The following UBASH3B variants were observed in gnomAD, a reference collection of about 807,000 sequenced individuals.
UBASH3B encodes ubiquitin associated and SH3 domain containing B.
In UBASH3B, 37 loss-of-function variants were observed where a neutral mutation model predicts 83.4. That is an observed-to-expected ratio of 0.44 (90% CI 0.34 to 0.58). UBASH3B has a LOEUF of 0.58. Ranked by LOEUF, UBASH3B falls within the 20% of genes least tolerant of loss-of-function variation. UBASH3B has a pLI of 0.01. For missense variants in UBASH3B, 657 were observed against 827.2 expected, an observed-to-expected ratio of 0.79 and a Z score of 2.52; for synonymous variants, 304 against 318.3, an observed-to-expected ratio of 0.96 and a Z score of 0.48.
At chr11:122,715,581 G>A (rs1018870401) in intron 1 of UBASH3B, among the ~76,000 whole-genome samples, 1 of 152,184 alleles carries the variant, frequency 6.6e-6, no homozygotes, top group South Asian at 2.1e-4. Context: ...GGAGAAACAC[G>A]GATCCGAAAG....
intron 11 of UBASH3B, among the ~76,000 whole-genome samples, chr11:122,802,304 ACT>A: frequency 7.6e-6 from 1 of 131,852 alleles, no homozygotes; most frequent in Non-Finnish European, 1.6e-5. Flanking sequence ...ACAGAGTGAG[ACT>A]CTGTCTGAAA....
chr11:122,725,933 C>G (rs1860732767), intron 1 of UBASH3B, among the ~76,000 whole-genome samples: 1 of 152,128 alleles, frequency 6.6e-6, no homozygotes, highest in South Asian at 2.1e-4. Context: ...ACCTCATGAT[C>G]CACCCACCTC....
At chr11:122,741,822 CG>C (rs1311872105) in intron 1 of UBASH3B, among the ~76,000 whole-genome samples, 3 of 152,180 alleles carry the variant, frequency 2.0e-5, no homozygotes, top group Non-Finnish European at 4.4e-5. Flanking sequence ...CTCCCTCCCA[CG>C]GGTTCTGCTT....
chr11:122,804,393 A>G (rs1861304000), intron 11 of UBASH3B, among the ~76,000 whole-genome samples: 2 of 152,124 alleles, frequency 1.3e-5, no homozygotes, highest in African/African-American at 4.8e-5. Flanking sequence ...GTTTCCTTCA[A>G]GTGGAACGGC....
At chr11:122,764,116 A>G (rs761229805) in intron 1 of UBASH3B, among the ~76,000 whole-genome samples, 11 of 152,220 alleles carry the variant, frequency 7.2e-5, no homozygotes, top group Non-Finnish European at 1.2e-4. Context: ...AAACTTTCTG[A>G]GTGCAAGGGC....
intron 1 of UBASH3B, among the ~76,000 whole-genome samples, chr11:122,715,243 C>G (rs771198439): frequency 3.9e-5 from 6 of 152,158 alleles, no homozygotes; most frequent in Non-Finnish European, 8.8e-5. Flanking sequence ...CTGCGCCCAG[C>G]CGAGATAAAT....
intron 4 of UBASH3B, among the ~76,000 whole-genome samples, chr11:122,780,551 C>G (rs1392613113): frequency 6.6e-6 from 1 of 152,166 alleles, no homozygotes; most frequent in Non-Finnish European, 1.5e-5. Context: ...GAGGATTTCT[C>G]CTACATGAGG....
intron 6 of UBASH3B, among the ~76,000 whole-genome samples, chr11:122,790,137 G>C (rs1861026182): frequency 6.6e-6 from 1 of 152,232 alleles, no homozygotes; most frequent in African/African-American, 2.4e-5. Context: ...AGAGGCAGAA[G>C]CCCTGAGCGC....
chr11:122,701,091 C>T (rs1454623836), intron 1 of UBASH3B, among the ~76,000 whole-genome samples: 4 of 152,214 alleles, frequency 2.6e-5, no homozygotes, highest in South Asian at 2.1e-4. Flanking sequence ...GTCAAGCCCA[C>T]GGGCTGCTAC....
chr11:122,690,334 A>G (rs1196912198), intron 1 of UBASH3B, among the ~76,000 whole-genome samples: 2 of 147,782 alleles, frequency 1.4e-5, no homozygotes, highest in Non-Finnish European at 3.0e-5. Flanking sequence ...TGAGGATTCT[A>G]TATTATAATA....
At chr11:122,673,872 C>A (rs1335021027) in intron 1 of UBASH3B, among the ~76,000 whole-genome samples, 1 of 152,144 alleles carries the variant, frequency 6.6e-6, no homozygotes, top group Non-Finnish European at 1.5e-5. Flanking sequence ...TTTCTTCAGC[C>A]TTTCTCAGCT....
At chr11:122,696,674 T>A (rs909474964) in intron 1 of UBASH3B, among the ~76,000 whole-genome samples, 1 of 152,212 alleles carries the variant, frequency 6.6e-6, no homozygotes, top group Non-Finnish European at 1.5e-5. Flanking sequence ...AAGTTGCACG[T>A]GTGTCCGAGC....
intron 1 of UBASH3B, among the ~76,000 whole-genome samples, chr11:122,735,635 C>T (rs1001818451): frequency 6.6e-6 from 1 of 152,206 alleles, no homozygotes; most frequent in African/African-American, 2.4e-5. Context: ...TCCCTAGTAG[C>T]AACAACTAAT....
chr11:122,763,888 G>A (rs1049039108), intron 1 of UBASH3B, among the ~76,000 whole-genome samples: 1 of 152,196 alleles, frequency 6.6e-6, no homozygotes, highest in East Asian at 1.9e-4. Flanking sequence ...TAGGGGAGAG[G>A]GGGCAAGACT....
chr11:122,709,108 G>A (rs1864160183), intron 1 of UBASH3B, among the ~76,000 whole-genome samples: 1 of 152,206 alleles, frequency 6.6e-6, no homozygotes, highest in African/African-American at 2.4e-5. Context: ...TTAGCTGGGT[G>A]TGGTGGCACA....
chr11:122,686,896 C>G (rs919739309), intron 1 of UBASH3B, among the ~76,000 whole-genome samples: 12 of 151,096 alleles, frequency 7.9e-5, no homozygotes, highest in African/African-American at 2.9e-4. Context: ...GAGACAGGGT[C>G]TAGCTCTGTC....
In UBASH3B at chr11:122,736,589, C is replaced by T. The variant is rs1345819244; in HGVS notation, c.162-39630C>T. Among the ~76,000 whole-genome samples the T allele has an allele frequency of 2.6e-5, 4 of 152,138 alleles. No homozygotes were observed. In the East Asian group the frequency reaches 7.7e-4, roughly 29 times the overall value. ...GCTTTAGCGACGCTCTTCATTCTTA[C>T]TGAGCATCTACCTCATGGCCTGTAC... On this transcript the variant is annotated intron_variant, in intron 1 of 13. Coordinates refer to ENST00000284273, the MANE Select transcript of UBASH3B (RefSeq NM_032873.5).
At chr11:122,701,904 G>T (rs1283095949) in intron 1 of UBASH3B, among the ~76,000 whole-genome samples, 1 of 152,026 alleles carries the variant, frequency 6.6e-6, no homozygotes, top group Non-Finnish European at 1.5e-5. Context: ...ACCCAGGCTG[G>T]CATGTAGTGG....
chr11:122,792,905 T>C (rs1204043352), intron 6 of UBASH3B, among the ~76,000 whole-genome samples: 2 of 151,940 alleles, frequency 1.3e-5, no homozygotes, highest in African/African-American at 4.8e-5. Context: ...GATTCTGATA[T>C]GCACAAGGGT....
Sources: allele counts gnomAD v4.1 joint callset (sites outside exome capture counted in the v4.1 genomes callset), GRCh38; gene constraint gnomAD v4.1.1; transcripts MANE v1.5; gene names NCBI Gene and HGNC (gene_info 2026-07-23, HGNC 2026-07-21).